PAPPA2: variants seen among roughly 807,000 people sequenced by gnomAD.
PAPPA2 encodes the protein pappalysin-2.
PAPPA2 carries 86 observed loss-of-function variants against 176.4 expected under a neutral mutation model. That is an observed-to-expected ratio of 0.49 (90% CI 0.41 to 0.58). The LOEUF is 0.58. Among genes scored for constraint, PAPPA2 ranks in the 20% least tolerant of loss-of-function variants. PAPPA2 has a pLI of 0.00. For missense variants in PAPPA2, 2,073 were observed against 2,256.9 expected (o/e 0.92, Z 1.65); for synonymous variants, 809 against 852.2 (o/e 0.95, Z 0.88).
intron 1 of PAPPA2, among the ~76,000 whole-genome samples, chr1:176,465,925 T>A (rs1038689562): frequency 1.3e-5 from 2 of 152,236 alleles, no homozygotes; most frequent in African/African-American, 4.8e-5. Context: ...TCATTTTTTT[T>A]ATAAGTTGTC....
In PAPPA2 at chr1:176,752,180, G is replaced by A. The variant is rs1265569198; in HGVS notation, c.4151+11984G>A. Among the ~76,000 whole-genome samples the A allele has an allele frequency of 3.6e-4, 48 of 133,908 alleles. No homozygotes were observed. In the Middle Eastern group the frequency reaches 0.011, roughly 30 times the overall value. The allele number at this position is 133,908 out of a possible 152,430, so 87.8% of individuals were successfully genotyped here. On this transcript the variant is annotated intron_variant, in intron 14 of 22. Transcript: ENST00000367662. ...ACACAGGAAGGGGAATATCACACTC[G>A]GGGGACTGTGGTGGGGTCGGGGGAG... is the stretch of plus-strand genomic sequence containing the variant.
At chr1:176,629,279 G>T (rs368283741) in intron 3 of PAPPA2, among the ~76,000 whole-genome samples, 1 of 152,036 alleles carries the variant, frequency 6.6e-6, no homozygotes, top group South Asian at 2.1e-4. Context: ...TGTTAAAAAA[G>T]GTAGCCTTAT....
In PAPPA2 at chr1:176,480,533, T is replaced by G. The variant is rs78211023; in HGVS notation, c.-917+17115T>G. On this transcript the variant is annotated intron_variant, in intron 1 of 22. Coordinates refer to ENST00000367662, the MANE Select transcript of PAPPA2 (RefSeq NM_020318.3). ...GGGAAGGCAAGTAGGTGGTGGGGCATGGAGGCGGGAAGGCTGGAAGGGCCA... is the reference window on the plus strand; with the variant it reads ...GGGAAGGCAAGTAGGTGGTGGGGCAGGGAGGCGGGAAGGCTGGAAGGGCCA... Among the ~76,000 whole-genome samples, 23 of 151,896 alleles carry G rather than the reference T, an allele frequency of 1.5e-4. 1 individual carries two copies. In the East Asian group the frequency reaches 4.3e-3, roughly 28 times the overall value.
intron 15 of PAPPA2, among the ~76,000 whole-genome samples, chr1:176,766,540 TA>T (rs1181087782): frequency 1.3e-5 from 2 of 152,240 alleles, no homozygotes; most frequent in Non-Finnish European, 2.9e-5. Flanking sequence ...TCACATTTTT[TA>T]AATGATTAGA....
chr1:176,799,397 C>T (rs79763350), intron 20 of PAPPA2, among the ~76,000 whole-genome samples: 5 of 152,294 alleles, frequency 3.3e-5, no homozygotes, highest in Admixed American at 2.6e-4. Context: ...TCAAGATGAA[C>T]GTAACTGCGC....
chr1:176,557,326 G>A, intron 2 of PAPPA2, 85 bp downstream of exon 2: 1 of 1,437,412 alleles, frequency 7.0e-7, no homozygotes, highest in Non-Finnish European at 9.2e-7. Context: ...GAGCGAGGAT[G>A]GGAAGGGGAC....
intron 7 of PAPPA2, among the ~76,000 whole-genome samples, chr1:176,698,320 C>G (rs181900478): frequency 6.6e-6 from 1 of 152,296 alleles, no homozygotes. Context: ...TGTGCCACAG[C>G]CACTCAGCTA....
At chr1:176,639,907 T>C (rs1294151904) in intron 3 of PAPPA2, among the ~76,000 whole-genome samples, 1 of 151,572 alleles carries the variant, frequency 6.6e-6, no homozygotes, top group Non-Finnish European at 1.5e-5. Context: ...AGAAGATAGA[T>C]ACTATTATTT....
At chr1:176,753,275 A>C (rs1663264858) in intron 14 of PAPPA2, among the ~76,000 whole-genome samples, 1 of 152,224 alleles carries the variant, frequency 6.6e-6, no homozygotes, top group Admixed American at 6.5e-5. Flanking sequence ...TGCTGTAATC[A>C]GTCTCTGAGT....
At chr1:176,618,383 A>T (rs1205920926) in intron 3 of PAPPA2, among the ~76,000 whole-genome samples, 1 of 152,182 alleles carries the variant, frequency 6.6e-6, no homozygotes, top group Non-Finnish European at 1.5e-5. Context: ...AATGCTTCTT[A>T]GTTACCATAC....
intron 8 of PAPPA2, among the ~76,000 whole-genome samples, 175 bp downstream of exon 8, chr1:176,699,764 A>C (rs1291819737): frequency 6.6e-6 from 1 of 152,180 alleles, no homozygotes; most frequent in Non-Finnish European, 1.5e-5. Flanking sequence ...CTTCCCAGAA[A>C]GGGGCAAGCA....
At chr1:176,630,858 T>C (rs765590177) in intron 3 of PAPPA2, among the ~76,000 whole-genome samples, 9 of 152,206 alleles carry the variant, frequency 5.9e-5, no homozygotes, top group Admixed American at 2.6e-4. Flanking sequence ...GAACTGAATT[T>C]GAATTGCCCA....
At chr1:176,785,588 C>T (rs1343678597) in intron 17 of PAPPA2, among the ~76,000 whole-genome samples, 1 of 152,176 alleles carries the variant, frequency 6.6e-6, no homozygotes, top group Non-Finnish European at 1.5e-5. Context: ...CTCCCAACTC[C>T]TGCCTGCAGT....
chr1:176,680,141 G>A (rs1659512553), intron 4 of PAPPA2, among the ~76,000 whole-genome samples: 2 of 152,266 alleles, frequency 1.3e-5, no homozygotes, highest in South Asian at 4.2e-4. Flanking sequence ...TTTGGAGATA[G>A]ACTCTTCAAT....
intron 12 of PAPPA2, among the ~76,000 whole-genome samples, chr1:176,719,578 G>A (rs1359854759): frequency 6.6e-6 from 1 of 152,000 alleles, no homozygotes; most frequent in African/African-American, 2.4e-5. Flanking sequence ...CATCACTTCT[G>A]GGACAGCTTC....
intron 1 of PAPPA2, among the ~76,000 whole-genome samples, chr1:176,526,051 C>T (rs1451568276): frequency 6.6e-6 from 1 of 152,152 alleles, no homozygotes; most frequent in African/African-American, 2.4e-5. Context: ...CTCACTATAC[C>T]CTGTTGCCTC....
At chr1:176,510,810 TAC>T (rs200808228) in intron 1 of PAPPA2, among the ~76,000 whole-genome samples, 11,390 of 126,266 alleles carry the variant, frequency 0.09, 501 homozygotes, top group East Asian at 0.21. Flanking sequence ...AAGCAACACA[TAC>T]ACACACACAC....
intron 3 of PAPPA2, among the ~76,000 whole-genome samples, chr1:176,615,765 G>A (rs1324965029): frequency 6.6e-6 from 1 of 152,208 alleles, no homozygotes; most frequent in Non-Finnish European, 1.5e-5. Flanking sequence ...TAAACATAAA[G>A]TGAGCAGACA....
Position 176,694,896 on chromosome 1 carries a change from G to A in PAPPA2, c.2625-842G>A, listed in dbSNP as rs972626822. On this transcript the variant is annotated intron_variant, in intron 6 of 22. Coordinates refer to ENST00000367662, the MANE Select transcript of PAPPA2 (RefSeq NM_020318.3). ...AATGTGAATGGAAATTCTCAACACC[G>A]CATAGCAGAGCCCTAAGAGAGGATC... Among the ~76,000 whole-genome samples, 4 of 152,312 alleles carry A rather than the reference G, an allele frequency of 2.6e-5. No individual in the cohort carries two copies. In the South Asian group the frequency reaches 6.2e-4, roughly 24 times the overall value.
Sources: gnomAD v4.1 joint callset for allele counts (sites outside exome capture counted in the v4.1 genomes callset) on GRCh38, gnomAD v4.1.1 for gene constraint, MANE v1.5 for transcripts, NCBI Gene and HGNC (gene_info 2026-07-23, HGNC 2026-07-21) for gene names.